The following TFPI variants were observed in gnomAD, a reference collection of about 807,000 sequenced individuals.
TFPI encodes tissue factor pathway inhibitor, also known as anti-convertin.
TFPI carries 15 observed loss-of-function variants against 34.6 expected under a neutral mutation model. The ratio of observed to expected loss-of-function variants is 0.43; its 90% CI spans 0.29 to 0.67. TFPI has a LOEUF of 0.67. Among genes scored for constraint, TFPI ranks in the 30% least tolerant of loss-of-function variants. The probability of loss-of-function intolerance (pLI) is 0.15; values close to 1 mark genes in which losing one functional copy is unlikely to be tolerated. For synonymous variants in TFPI, 105 were observed against 120.1 expected, an observed-to-expected ratio of 0.87 and a Z score of 0.82; for missense variants, 301 against 364.0, an observed-to-expected ratio of 0.83 and a Z score of 1.41.
At chr2:187,549,968 A>G (rs895455961) in intron 1 of TFPI, among the ~76,000 whole-genome samples, 27 of 152,052 alleles carry the variant, frequency 1.8e-4, no homozygotes. Context: ...GTTTAGCCCC[A>G]CATTTGTACA....
At chr2:187,547,039 C>T (rs1688904398) in intron 1 of TFPI, 1 of 152,148 alleles carries the variant, frequency 6.6e-6, no homozygotes, top group Non-Finnish European at 1.5e-5. Flanking sequence ...CTTCATTTCT[C>T]CTGAAGGCCT....
intron 1 of TFPI, among the ~76,000 whole-genome samples, chr2:187,507,468 A>G (rs990967647): frequency 6.6e-6 from 1 of 152,142 alleles, no homozygotes; most frequent in Non-Finnish European, 1.5e-5. Context: ...CAATGGTTGA[A>G]CTAATTTACA....
intron 2 of TFPI, among the ~76,000 whole-genome samples, chr2:187,498,290 AT>A (rs1390790779): frequency 1.3e-5 from 2 of 151,824 alleles, no homozygotes; most frequent in African/African-American, 2.4e-5. Context: ...CAAAATGTGA[AT>A]TTTTTGAAAC....
intron 6 of TFPI, among the ~76,000 whole-genome samples, chr2:187,480,755 A>G (rs1158921021): frequency 6.6e-6 from 1 of 152,164 alleles, no homozygotes; most frequent in Non-Finnish European, 1.5e-5. Context: ...ACTCACGCTC[A>G]GGGATATGCT....
At chr2:187,544,185 T>TGA (rs1688727883) in intron 1 of TFPI, among the ~76,000 whole-genome samples, 1 of 152,192 alleles carries the variant, frequency 6.6e-6, no homozygotes, top group Non-Finnish European at 1.5e-5. Flanking sequence ...AAATGTTTTT[T>TGA]GATTGAAGGA....
At chr2:187,523,394 G>T (rs2106221587) in intron 1 of TFPI, among the ~76,000 whole-genome samples, 1 of 152,160 alleles carries the variant, frequency 6.6e-6, no homozygotes, top group South Asian at 2.1e-4. Flanking sequence ...TTATTAACTA[G>T]AGGGCAGTGT....
chr2:187,506,411 C>T (rs924712468), intron 1 of TFPI, among the ~76,000 whole-genome samples: 2 of 152,006 alleles, frequency 1.3e-5, no homozygotes, highest in African/African-American at 4.8e-5. Context: ...CCCAGTTTCC[C>T]TATTAACATG....
At chr2:187,478,684 G>A in intron 6 of TFPI, 4 of 1,612,766 alleles carry the variant, frequency 2.5e-6, no homozygotes, top group Non-Finnish European at 3.4e-6. Flanking sequence ...TATTAACATA[G>A]GCATGAAATG....
intron 3 of TFPI, among the ~76,000 whole-genome samples, chr2:187,493,289 C>T (rs994395741): frequency 4.6e-5 from 7 of 152,232 alleles, no homozygotes; most frequent in East Asian, 1.9e-4. Context: ...CCTAGCTCTA[C>T]GTTGACCCCT....
intron 1 of TFPI, among the ~76,000 whole-genome samples, chr2:187,545,437 A>C (rs2106319850): frequency 6.6e-6 from 1 of 152,308 alleles, no homozygotes; most frequent in South Asian, 2.1e-4. Flanking sequence ...CATAGAAATA[A>C]GTATCTGAAA....
intron 4 of TFPI, among the ~76,000 whole-genome samples, chr2:187,486,336 T>A (rs8176508): frequency 0.27 from 41,605 of 151,364 alleles, 6,839 homozygotes; most frequent in Non-Finnish European, 0.37. Context: ...TTTTAAATGA[T>A]CTGAACAGAG....
chr2:187,524,175 T>C (rs1687561661), intron 1 of TFPI, among the ~76,000 whole-genome samples: 1 of 152,096 alleles, frequency 6.6e-6, no homozygotes, highest in Admixed American at 6.5e-5. Flanking sequence ...TTGCTGTTTC[T>C]ACTTTTTGCT....
intron 7 of TFPI, among the ~76,000 whole-genome samples, 189 bp from the exon 8 acceptor site, chr2:187,467,231 TAATAAA>T (rs1691762924): frequency 6.6e-6 from 1 of 152,014 alleles, no homozygotes; most frequent in Non-Finnish European, 1.5e-5. Flanking sequence ...ATATATGAGT[TAATAAA>T]AATGGATAAG....
chr2:187,524,101 G>A (rs1252498929), intron 1 of TFPI, among the ~76,000 whole-genome samples: 1 of 151,968 alleles, frequency 6.6e-6, no homozygotes, highest in Non-Finnish European at 1.5e-5. Context: ...TTTTATTGCT[G>A]AAAATATTTT....
At chr2:187,481,978 A>G (rs928421886) in intron 6 of TFPI, among the ~76,000 whole-genome samples, 9 of 152,178 alleles carry the variant, frequency 5.9e-5, no homozygotes, top group Non-Finnish European at 8.8e-5. Flanking sequence ...CATCTACACA[A>G]TAAACTAAAG....
chr2:187,529,862 C>T lies in TFPI; in HGVS notation c.-3+24338G>A, dbSNP rs35681810. On this transcript the variant is annotated intron_variant, in intron 1 of 7. Transcript: ENST00000233156. ...ATAGACTTTGATTCTCTGTTTCTTGCGGCATTACTAACCTTTAGGCAGGAC... is the reference window on the plus strand; with the variant it reads ...ATAGACTTTGATTCTCTGTTTCTTGTGGCATTACTAACCTTTAGGCAGGAC... Among the ~76,000 whole-genome samples, 523 of 152,234 alleles carry T rather than the reference C, an allele frequency of 3.4e-3. 4 individuals are homozygous for T. The highest frequency in any genetic ancestry group is 0.017 in the South Asian group (84 of 4,816).
chr2:187,470,954 A>G (rs780787402), intron 6 of TFPI, among the ~76,000 whole-genome samples: 3 of 152,218 alleles, frequency 2.0e-5, no homozygotes, highest in African/African-American at 4.8e-5. Flanking sequence ...CCTGATTTCA[A>G]CCACTGCTTA....
intron 1 of TFPI, 64 bp from the exon 2 acceptor site, chr2:187,503,834 A>G: frequency 6.4e-7 from 1 of 1,565,544 alleles, no homozygotes. Flanking sequence ...TTTACAGACT[A>G]GTAAACATCA....
chr2:187,531,169 T>C (rs1687937174), intron 1 of TFPI, among the ~76,000 whole-genome samples: 1 of 152,178 alleles, frequency 6.6e-6, no homozygotes, highest in African/African-American at 2.4e-5. Flanking sequence ...CTAACTACTG[T>C]CTGTAGAAAG....
Sources: gnomAD v4.1 joint callset for allele counts (sites outside exome capture counted in the v4.1 genomes callset) on GRCh38, gnomAD v4.1.1 for gene constraint, MANE v1.5 for transcripts, NCBI Gene and HGNC (gene_info 2026-07-23, HGNC 2026-07-21) for gene names.